ATP8A2: variants seen among roughly 807,000 people sequenced by gnomAD.
ATP8A2 encodes the protein phospholipid-transporting ATPase IB.
A neutral mutation model predicts 165.6 loss-of-function variants in ATP8A2; 100 were observed. The ratio of observed to expected loss-of-function variants is 0.60; its 90% confidence interval spans 0.51 to 0.71. The LOEUF (loss-of-function observed/expected upper bound fraction) is 0.71, where lower values mean the gene tolerates loss of function less well. ATP8A2 is among the 30% of genes least tolerant of loss of function. ATP8A2 has a pLI of 0.00. For missense variants in ATP8A2, 1,227 were observed against 1,479.5 expected, an observed-to-expected ratio of 0.83 and a Z score of 2.80; for synonymous variants, 543 against 548.8, an observed-to-expected ratio of 0.99 and a Z score of 0.15.
intron 1 of ATP8A2, among the ~76,000 whole-genome samples, chr13:25,429,700 AG>A (rs1217012666): frequency 3.3e-5 from 5 of 152,112 alleles, no homozygotes; most frequent in Admixed American, 1.3e-4. Context: ...TTGCTATTTG[AG>A]GGGGCAGGAG....
At chr13:25,809,661 C>G (rs1260193031) in intron 27 of ATP8A2, among the ~76,000 whole-genome samples, 1 of 152,050 alleles carries the variant, frequency 6.6e-6, no homozygotes, top group Non-Finnish European at 1.5e-5. Flanking sequence ...TGGTGGGTCT[C>G]TCCTCTAGCT....
chr13:25,644,869 C>A (rs182252034), intron 24 of ATP8A2, among the ~76,000 whole-genome samples: 2 of 152,078 alleles, frequency 1.3e-5, no homozygotes, highest in African/African-American at 4.8e-5. Flanking sequence ...TCTTATGGTC[C>A]TTTGGATTTC....
intron 33 of ATP8A2, among the ~76,000 whole-genome samples, chr13:25,952,844 T>G (rs533710929): frequency 4.3e-4 from 65 of 152,240 alleles, no homozygotes; most frequent in African/African-American, 1.5e-3. Flanking sequence ...CCTGAGCAAA[T>G]AGGTTTGGAA....
chr13:25,822,764 C>A (rs1356788958), intron 27 of ATP8A2, among the ~76,000 whole-genome samples: 4 of 152,110 alleles, frequency 2.6e-5, no homozygotes, highest in African/African-American at 9.7e-5. Flanking sequence ...TCAAATTTGT[C>A]CCTCATTTCT....
In ATP8A2 at chr13:25,886,275, GT is replaced by G. The variant is rs369852967; in HGVS notation, c.3183+23868del. On this transcript the variant is annotated intron_variant, in intron 33 of 36. Transcript: ENST00000381655. ...AAAGAAAAGTTGGAATGTCGGGGTGGTGATGGTGGAATAGCGTATTTGTTGC... is the reference window on the plus strand; with the variant it reads ...AAAGAAAAGTTGGAATGTCGGGGTGGGATGGTGGAATAGCGTATTTGTTGC... Among the ~76,000 whole-genome samples the G allele has an allele frequency of 1.3e-4, 20 of 152,308 alleles. 1 individual carries two copies. The highest frequency in any genetic ancestry group is 4.3e-4 in the African/African-American group (18 of 41,572).
At chr13:25,840,180 G>A (rs1243257767) in intron 30 of ATP8A2, among the ~76,000 whole-genome samples, 2 of 152,142 alleles carry the variant, frequency 1.3e-5, no homozygotes, top group Non-Finnish European at 2.9e-5. Flanking sequence ...GGCAGACTCG[G>A]CGTTTTTTCA....
chr13:25,546,152 A>T (rs1235393008), intron 10 of ATP8A2, among the ~76,000 whole-genome samples: 1 of 152,206 alleles, frequency 6.6e-6, no homozygotes, highest in Non-Finnish European at 1.5e-5. Flanking sequence ...CCAATATTAC[A>T]TGAGTTAATT....
chr13:25,767,883 C>T (rs1203173441), intron 25 of ATP8A2, among the ~76,000 whole-genome samples: 1 of 152,114 alleles, frequency 6.6e-6, no homozygotes, highest in Non-Finnish European at 1.5e-5. Flanking sequence ...TCAGGTAGCA[C>T]TTCAGTTTTC....
At chr13:25,870,342 T>C (rs73473819) in intron 33 of ATP8A2, among the ~76,000 whole-genome samples, 8,036 of 152,008 alleles carry the variant, frequency 0.053, 543 homozygotes, top group African/African-American at 0.13. Flanking sequence ...AATGCAACAT[T>C]TGGGCAGGAA....
At chr13:25,571,858 G>A (rs1289808928) in intron 18 of ATP8A2, 166 bp downstream of exon 18, 5 of 706,338 alleles carry the variant, frequency 7.1e-6, no homozygotes, top group African/African-American at 1.7e-5. Context: ...TGTTCGAGTT[G>A]TTTTGCATTG....
At chr13:25,506,909 T>A (rs1469061897) in intron 2 of ATP8A2, among the ~76,000 whole-genome samples, 1 of 141,660 alleles carries the variant, frequency 7.1e-6, no homozygotes, top group African/African-American at 2.6e-5. Flanking sequence ...TAGGGATATT[T>A]AACCTGTGTG....
chr13:25,658,649 TAA>T (rs1397308217), intron 24 of ATP8A2, among the ~76,000 whole-genome samples: 5 of 152,070 alleles, frequency 3.3e-5, no homozygotes, highest in Non-Finnish European at 7.4e-5. Flanking sequence ...CAAAAAATAA[TAA>T]AAGAGTTAGC....
chr13:25,514,864 C>T (rs1027131664), intron 2 of ATP8A2, among the ~76,000 whole-genome samples: 2 of 152,196 alleles, frequency 1.3e-5, no homozygotes, highest in Non-Finnish European at 2.9e-5. Flanking sequence ...ATGCACTGGG[C>T]TTGTGCCTGC....
intron 25 of ATP8A2, among the ~76,000 whole-genome samples, chr13:25,720,161 CTTTTTCTTTTTTTTTTTTTTTTT>C (rs1236533924): frequency 8.0e-6 from 1 of 124,440 alleles, no homozygotes; most frequent in East Asian, 2.3e-4. Flanking sequence ...TAAATGTATA[CTTTTTCTTTTTTTTTTTTTTTTT>C]TGAGAAGGAA....
At chr13:25,581,771 T>C in intron 22 of ATP8A2, 48 bp from the exon 23 acceptor site, 1 of 1,572,072 alleles carries the variant, frequency 6.4e-7, no homozygotes, top group South Asian at 1.1e-5. Flanking sequence ...GTTAGTGCTG[T>C]TCTTAAGTAT....
At chr13:25,382,430 C>T (rs191455328) in intron 1 of ATP8A2, among the ~76,000 whole-genome samples, 165 of 152,256 alleles carry the variant, frequency 1.1e-3, no homozygotes, top group African/African-American at 3.7e-3. Context: ...TAAGTTTTCA[C>T]GTCTTTTGGG....
At chr13:25,723,653 G>A (rs2043431455) in intron 25 of ATP8A2, among the ~76,000 whole-genome samples, 1 of 152,132 alleles carries the variant, frequency 6.6e-6, no homozygotes, top group African/African-American at 2.4e-5. Context: ...GTTAGCTGTT[G>A]TTTGGGGTAG....
rs531147838 is a variant in ATP8A2 at position 25,818,460 on chromosome 13, T to A, written c.2680-9658T>A. ...TTAAATAAGTAGGATTGACTGCTAGTCGCTGCAGTCTACTAAACACCTATT... is the reference window on the plus strand; with the variant it reads ...TTAAATAAGTAGGATTGACTGCTAGACGCTGCAGTCTACTAAACACCTATT... On this transcript the variant is annotated intron_variant, in intron 27 of 36. Transcript: ENST00000381655. Among the ~76,000 whole-genome samples, 14 of 152,356 alleles carry A rather than the reference T, an allele frequency of 9.2e-5. No individual in the cohort carries two copies. The South Asian group carries it at 2.9e-3, about 32-fold the overall frequency.
chr13:25,619,125 C>T (rs909116187), intron 24 of ATP8A2, among the ~76,000 whole-genome samples: 3 of 152,146 alleles, frequency 2.0e-5, no homozygotes, highest in Non-Finnish European at 2.9e-5. Flanking sequence ...GAGGCGAGAA[C>T]GGCCTTGGAT....
Sources: allele counts gnomAD v4.1 joint callset (sites outside exome capture counted in the v4.1 genomes callset), GRCh38; gene constraint gnomAD v4.1.1; transcripts MANE v1.5; gene names NCBI Gene and HGNC (gene_info 2026-07-23, HGNC 2026-07-21).